The following FRMPD4 variants were observed in gnomAD, a reference collection of about 807,000 sequenced individuals.
FRMPD4 encodes FERM and PDZ domain containing 4, also known as FERM and PDZ domain-containing protein 4.
FRMPD4 carries 22 observed loss-of-function variants against 94.1 expected under a neutral mutation model. That is an observed-to-expected ratio of 0.23 (90% CI 0.17 to 0.33). The LOEUF is 0.33. Among genes scored for constraint, FRMPD4 ranks in the 10% least tolerant of loss-of-function variants. The pLI, the probability that FRMPD4 is intolerant of heterozygous loss-of-function variation, is 1.00. For synonymous variants in FRMPD4, 631 were observed against 548.6 expected (o/e 1.15, Z -2.10); for missense variants, 1,111 against 1,339.9 (o/e 0.83, Z 2.67).
chrX:12,459,794 T>C (rs2057373661), intron 1 of FRMPD4, among the ~76,000 whole-genome samples: 1 of 111,729 alleles, frequency 9.0e-6, no homozygotes, highest in Non-Finnish European at 1.9e-5. Flanking sequence ...TTGTTTTAAT[T>C]TCTCTTGATT....
rs1025481682 is a variant in FRMPD4 at position 12,550,951 on chromosome X, A to G, written c.158+52155A>G. ...ATGCATATGTATATATATATCATACATATGCATTTATGTGAATACATATGC... is the reference window on the plus strand; with the variant it reads ...ATGCATATGTATATATATATCATACGTATGCATTTATGTGAATACATATGC... On this transcript the variant is annotated intron_variant, in intron 2 of 16. Transcript: ENST00000675598. 2.2e-4 allele frequency among the ~76,000 whole-genome samples: 24 copies of G among 110,226 alleles called. No individual in the cohort carries two copies. In the East Asian group the frequency reaches 4.2e-3, roughly 19 times the overall value.
At chrX:12,633,967 A>G (rs1337825139) in intron 4 of FRMPD4, among the ~76,000 whole-genome samples, 3 of 112,737 alleles carry the variant, frequency 2.7e-5, no homozygotes, top group African/African-American at 9.7e-5. Context: ...TACATATGTT[A>G]GACAGAAAGG....
intron 1 of FRMPD4, among the ~76,000 whole-genome samples, chrX:12,420,521 T>C (rs1353546496): frequency 8.9e-6 from 1 of 112,007 alleles, no homozygotes; most frequent in African/African-American, 3.2e-5. Flanking sequence ...CGGCATTCTG[T>C]GCTGGCTCCA....
intron 5 of FRMPD4, among the ~76,000 whole-genome samples, chrX:12,680,799 T>TAG (rs2059963570): frequency 9.0e-6 from 1 of 111,067 alleles, no homozygotes; most frequent in African/African-American, 3.3e-5. Context: ...ATGCTACATA[T>TAG]AGCTAGAGAG....
At chrX:12,429,076 C>T (rs2056984147) in intron 1 of FRMPD4, among the ~76,000 whole-genome samples, 1 of 111,656 alleles carries the variant, frequency 9.0e-6, no homozygotes, top group South Asian at 3.8e-4. Flanking sequence ...GAATGACCCC[C>T]CAATCTGCTG....
chrX:12,720,798 G>C lies in FRMPD4; in HGVS notation c.4229G>C (p.Gly1410Ala). The change falls in exon 17 of 17, where the codon GGA (glycine) becomes GCA (alanine). Residue 1410 changes from glycine (G) to alanine (A), a missense_variant. Gly to Ala is a moderately conservative substitution (Grantham distance 60). Transcript: ENST00000675598. ...AGACATAGCAGCAGTATCCTCTCCG[G>C]ATCTGTCGATTTGGAGACCTTCCGA... ...ALRHSSSILS[G>A]SVDLETFRER... 4 of 988,177 alleles carry C rather than the reference G, an allele frequency of 4.0e-6. No individual in the cohort carries two copies. Among genetic ancestry groups the C allele is most frequent in the Non-Finnish European group, 5.1e-6 (4 of 784,402 alleles). 81.4% of individuals were successfully genotyped at this position (988,177 alleles called of 1,213,427 possible).
chrX:11,930,122 A>G lies in FRMPD4; in HGVS notation c.95+52104A>G, dbSNP rs1050523575. Among the ~76,000 whole-genome samples, 441 of 102,443 alleles carry G rather than the reference A, an allele frequency of 4.3e-3. 9 individuals carry two copies. The highest frequency in any genetic ancestry group is 6.5e-3 in the Non-Finnish European group (323 of 50,011). 89.0% of individuals were successfully genotyped at this position (102,443 alleles called of 115,157 possible). On this transcript the variant is annotated intron_variant, in intron 3 of 18. Coordinates refer to the FRMPD4 transcript ENST00000640291. ...GACTCTGTCTCAAAAAAAAAAAAAA[A>G]AAAAAAAAAAAAGGCACCGTCATGG... is the stretch of plus-strand genomic sequence containing the variant.
At position 12,198,720 on chromosome X, in the gene FRMPD4, T is replaced by C. The variant is rs1225474729; in HGVS notation, c.41+59708T>C. Among the ~76,000 whole-genome samples the C allele has an allele frequency of 4.4e-5, 5 of 112,441 alleles. No homozygotes were observed. In the Admixed American group the frequency reaches 4.7e-4, roughly 11 times the overall value. On this transcript the variant is annotated intron_variant, in intron 1 of 16. Coordinates refer to ENST00000675598, the MANE Select transcript of FRMPD4 (RefSeq NM_001368397.1). ...ATTCAAATGTCATTTCCATTAGACT[T>C]CGCAGACTTTTCCAGGCTTTGTGTC...
intron 5 of FRMPD4, among the ~76,000 whole-genome samples, chrX:12,679,993 G>C (rs763100840): frequency 4.3e-4 from 48 of 112,116 alleles, no homozygotes; most frequent in Non-Finnish European, 7.7e-4. Context: ...CTGTAGGCGA[G>C]TCTTCACCAA....
intron 3 of FRMPD4, among the ~76,000 whole-genome samples, chrX:11,878,638 T>C (rs2053798080): frequency 8.9e-6 from 1 of 112,523 alleles, no homozygotes; most frequent in South Asian, 3.7e-4. Flanking sequence ...TATTGCTGAA[T>C]GGCTTATGAT....
chrX:12,661,063 A>T (rs1051611382), intron 4 of FRMPD4, among the ~76,000 whole-genome samples: 1 of 111,875 alleles, frequency 8.9e-6, no homozygotes, highest in Admixed American at 9.5e-5. Context: ...TGTGGACTTT[A>T]TAAGGCTTCT....
At position 12,702,115 on chromosome X, in the gene FRMPD4, C is replaced by T. The variant is rs1329972473; in HGVS notation, c.1070+105C>T. 7.4e-6 allele frequency: 6 copies of T among 806,843 alleles called. No homozygotes were observed. The South Asian group carries it at 1.2e-4, about 17-fold the overall frequency. The allele number at this position is 806,843 out of a possible 1,213,427, so 66.5% of individuals were successfully genotyped here. A position where few individuals can be genotyped will look rare whatever the true frequency, so the allele number is the denominator to read the frequency against. On this transcript the variant is annotated intron_variant, in intron 10 of 16. Transcript: ENST00000675598. ...AAAATTGATCTTGTTTGTGTCAAAG[C>T]ATTCATTCGCCAGTGGCAAAATGTA... is the stretch of plus-strand genomic sequence containing the variant.
At chrX:12,518,699 G>A (rs962703481) in intron 2 of FRMPD4, among the ~76,000 whole-genome samples, 1 of 111,683 alleles carries the variant, frequency 9.0e-6, no homozygotes, top group Admixed American at 9.5e-5. Flanking sequence ...ATGTAGATTG[G>A]AAGTCCTAGA....
At chrX:12,649,832 A>C (rs2059581597) in intron 4 of FRMPD4, among the ~76,000 whole-genome samples, 1 of 112,714 alleles carries the variant, frequency 8.9e-6, no homozygotes, top group Non-Finnish European at 1.9e-5. Flanking sequence ...CTCTGTATTG[A>C]AACCTTGTGC....
chrX:12,134,503 G>A (rs916236460), upstream of FRMPD4, among the ~76,000 whole-genome samples: 1 of 112,092 alleles, frequency 8.9e-6, no homozygotes, highest in African/African-American at 3.2e-5. Flanking sequence ...CTTCAGTCCA[G>A]CTGAGAAATG....
At chrX:12,582,411 C>T (rs1460822197) in intron 2 of FRMPD4, among the ~76,000 whole-genome samples, 1 of 112,131 alleles carries the variant, frequency 8.9e-6, no homozygotes, top group Non-Finnish European at 1.9e-5. Flanking sequence ...GCTTCACATC[C>T]TATCTTCCAA....
At chrX:12,423,324 G>A (rs1265866757) in intron 1 of FRMPD4, among the ~76,000 whole-genome samples, 2 of 111,650 alleles carry the variant, frequency 1.8e-5, no homozygotes, top group Admixed American at 9.5e-5. Flanking sequence ...TTCTGAATAA[G>A]GTCATGGGGT....
At chrX:11,848,104 C>T (rs1007803788) in intron 1 of FRMPD4, among the ~76,000 whole-genome samples, 6 of 109,368 alleles carry the variant, frequency 5.5e-5, no homozygotes, top group Admixed American at 2.9e-4. Flanking sequence ...AGAACAAATA[C>T]GTCCTTTGTT....
intron 3 of FRMPD4, among the ~76,000 whole-genome samples, chrX:12,015,798 T>C (rs970196630): frequency 1.1e-4 from 12 of 111,883 alleles, no homozygotes; most frequent in African/African-American, 3.9e-4. Context: ...GTCACAATAT[T>C]GGAAGAGGAG....
Sources: allele counts gnomAD v4.1 joint callset (sites outside exome capture counted in the v4.1 genomes callset), GRCh38; gene constraint gnomAD v4.1.1; transcripts MANE v1.5; gene names NCBI Gene and HGNC (gene_info 2026-07-23, HGNC 2026-07-21).